The following CAV3 variants were observed in gnomAD, a reference collection of about 807,000 sequenced individuals.
CAV3 encodes the protein caveolin 3, also known as caveolin-3.
Under a neutral mutation model 13.4 loss-of-function variants are expected in CAV3, and 10 were observed. The observed-to-expected ratio is 0.75, with a 90% CI of 0.46 to 1.27. The LOEUF is 1.27. CAV3 is among the 50% of genes most tolerant of loss of function. The probability of loss-of-function intolerance (pLI) is 0.00; values close to 1 mark genes in which losing one functional copy is unlikely to be tolerated. For missense variants in CAV3, 162 were observed against 194.0 expected (o/e 0.83, Z 0.98); for synonymous variants, 90 against 79.0 (o/e 1.14, Z -0.74).
chr3:8,735,513 C>T (rs1334195463), intron 1 of CAV3, among the ~76,000 whole-genome samples: 2 of 152,150 alleles, frequency 1.3e-5, no homozygotes, highest in African/African-American at 2.4e-5. Flanking sequence ...ATAATGAAAT[C>T]GGGGTTTACA....
Position 8,745,717 on chromosome 3 carries a change from G to T in CAV3, c.306G>T (p.Ala102=). 6.2e-7 allele frequency: 1 copy of T among 1,614,184 alleles called. No individual in the cohort carries two copies. The highest frequency in any genetic ancestry group is 8.5e-7 in the Non-Finnish European group (1 of 1,180,040). The change falls in exon 2 of 2, where the codon GCG becomes GCT. Residue 102 remains alanine, a synonymous_variant. Transcript: ENST00000343849. The surrounding 1 kb of genome is among the most constrained non-coding windows in gnomAD (Gnocchi z 4.8). The stretch of plus-strand genomic sequence containing the variant: ...GCATCTCCTTCTGCCACATCTGGGC[G>T]GTGGTGCCATGCATTAAGAGCTACC... The part of the protein sequence containing the change: ...FACISFCHIW[A]VVPCIKSYLI...
At chr3:8,739,876 C>T (rs1276266801) in intron 1 of CAV3, among the ~76,000 whole-genome samples, 2 of 152,128 alleles carry the variant, frequency 1.3e-5, no homozygotes, top group Non-Finnish European at 2.9e-5. Context: ...CCACTGGGGG[C>T]CTCTCATGCA....
rs72546667 is a variant in CAV3 at position 8,745,577 on chromosome 3, G to A, written c.166G>A (p.Gly56Ser). 6.4e-3 allele frequency: 10,393 copies of A among 1,614,038 alleles called. 549 individuals are homozygous for A. In the African/African-American group the frequency reaches 0.12, roughly 18 times the overall value. Reference sequence around the variant, plus strand: ...GCCTGTGGGCACCTACAGCTTTGACGGCGTGTGGAAGGTGAGCTACACCAC... The same window carrying A: ...GCCTGTGGGCACCTACAGCTTTGACAGCGTGTGGAAGGTGAGCTACACCAC... Reference protein sequence around the residue: ...AEPVGTYSFDGVWKVSYTTFT... With the variant: ...AEPVGTYSFDSVWKVSYTTFT... The change falls in exon 2 of 2, where the codon GGC becomes AGC. Residue 56 changes from glycine to serine, a missense_variant. Gly to Ser is a moderately conservative substitution (Grantham distance 56). Transcript: ENST00000343849. This position sits in a 1 kb window ranked among gnomAD's most constrained non-coding sequence, Gnocchi z 4.8.
At chr3:8,744,452 T>G (rs1708081617) in intron 1 of CAV3, among the ~76,000 whole-genome samples, 1 of 145,520 alleles carries the variant, frequency 6.9e-6, no homozygotes, top group Admixed American at 6.8e-5. Context: ...CTAATTTTTT[T>G]TTTTTTTTTT....
At chr3:8,734,440 G>A (rs1056083672) in intron 1 of CAV3, among the ~76,000 whole-genome samples, 5 of 152,160 alleles carry the variant, frequency 3.3e-5, no homozygotes, top group South Asian at 2.1e-4. Context: ...GCAGCCCCTC[G>A]AGGTACACTC....
chr3:8,744,138 A>G (rs991445861), intron 1 of CAV3, among the ~76,000 whole-genome samples: 21 of 152,140 alleles, frequency 1.4e-4, no homozygotes, highest in African/African-American at 5.1e-4. Flanking sequence ...GCTAGAAAGA[A>G]AACATCTCAG....
intron 1 of CAV3, among the ~76,000 whole-genome samples, chr3:8,737,569 G>A (rs1707800645): frequency 6.6e-6 from 1 of 152,152 alleles, no homozygotes; most frequent in Admixed American, 6.5e-5. Flanking sequence ...CAAGGCTCGG[G>A]ACTGGGCCCA....
intron 1 of CAV3, among the ~76,000 whole-genome samples, chr3:8,736,885 A>C (rs933527489): frequency 6.6e-6 from 1 of 152,232 alleles, no homozygotes; most frequent in African/African-American, 2.4e-5. Flanking sequence ...GTGAGTGAGA[A>C]ATGAAAAAAG....
At chr3:8,740,724 G>A (rs1343038801) in intron 1 of CAV3, among the ~76,000 whole-genome samples, 3 of 152,170 alleles carry the variant, frequency 2.0e-5, no homozygotes, top group Non-Finnish European at 2.9e-5. Context: ...GTAGATATAT[G>A]GTCCTACCTA....
At chr3:8,744,651 A>G (rs185608565) in intron 1 of CAV3, among the ~76,000 whole-genome samples, 8 of 152,224 alleles carry the variant, frequency 5.3e-5, no homozygotes, top group African/African-American at 1.9e-4. Context: ...TGCTTCATGC[A>G]TAGCAGGGCT....
rs115066243 is a variant in CAV3 at position 8,736,066 on chromosome 3, C to T, written c.114+2076C>T. Among the ~76,000 whole-genome samples, 692 of 152,318 alleles carry T rather than the reference C, an allele frequency of 4.5e-3. 7 individuals are homozygous for T. Among genetic ancestry groups the T allele is most frequent in the Non-Finnish European group, 7.3e-3 (499 of 68,030 alleles). On this transcript the variant is annotated intron_variant, in intron 1 of 1. Coordinates refer to ENST00000343849, the MANE Select transcript of CAV3 (RefSeq NM_033337.3). ...AACAAATTTCACAAACTGTAAAGCA[C>T]TATATACATGTAAATAAAATTGTAC...
Position 8,745,983 on chromosome 3 carries a change from C to T in CAV3, c.*116C>T. On this transcript the variant is annotated 3_prime_UTR_variant, in exon 2 of 2. Transcript: ENST00000343849. This position sits in a 1 kb window ranked among gnomAD's most constrained non-coding sequence, Gnocchi z 4.8. ...CTTTCTCTTTAGGGACTGCTCCATA[C>T]CCCATGATGGAGCACACGGTGTAGG... The T allele has an allele frequency of 1.3e-6, 1 of 772,082 alleles. No homozygotes were observed. Among genetic ancestry groups the T allele is most frequent in the Non-Finnish European group, 2.1e-6 (1 of 481,734 alleles). 47.8% of individuals were successfully genotyped at this position (772,082 alleles called of 1,614,324 possible).
chr3:8,736,420 G>T (rs929319920), intron 1 of CAV3, among the ~76,000 whole-genome samples: 3 of 152,202 alleles, frequency 2.0e-5, no homozygotes, highest in African/African-American at 7.2e-5. Context: ...GTCAAAGAAG[G>T]GTCTCAAAGA....
At chr3:8,742,952 G>C (rs1256850374) in intron 1 of CAV3, among the ~76,000 whole-genome samples, 1 of 152,186 alleles carries the variant, frequency 6.6e-6, no homozygotes, top group Non-Finnish European at 1.5e-5. Flanking sequence ...CATGGTGCAG[G>C]CATCTGCAGC....
chr3:8,740,720 A>G (rs237875), intron 1 of CAV3, among the ~76,000 whole-genome samples: 78,257 of 151,988 alleles, frequency 0.51, 20,062 homozygotes, highest in Admixed American at 0.54. Context: ...GGGGGTAGAT[A>G]TATGGTCCTA....
chr3:8,740,534 G>A (rs989639996), intron 1 of CAV3, among the ~76,000 whole-genome samples: 1 of 152,198 alleles, frequency 6.6e-6, no homozygotes, highest in African/African-American at 2.4e-5. Context: ...GGATTGCTGA[G>A]GAGCTTCTTC....
chr3:8,735,207 T>C (rs554219230), intron 1 of CAV3, among the ~76,000 whole-genome samples: 2 of 152,362 alleles, frequency 1.3e-5, no homozygotes, highest in Admixed American at 6.5e-5. Flanking sequence ...AGCAGCCACA[T>C]TTTAAAATGC....
Position 8,737,438 on chromosome 3 carries a change from C to T in CAV3, c.114+3448C>T, listed in dbSNP as rs115657208. ...TGAAGAGTAGGAGATAGGCATACTA[C>T]ATCCATGGATTTGACCCCCAGTAGA... On this transcript the variant is annotated intron_variant, in intron 1 of 1. Transcript: ENST00000343849. Among the ~76,000 whole-genome samples the T allele has an allele frequency of 3.1e-3, 473 of 152,300 alleles. 3 individuals are homozygous for T. Among genetic ancestry groups the T allele is most frequent in the African/African-American group, 0.011 (439 of 41,556 alleles).
In CAV3 at chr3:8,745,929, G is replaced by A. The variant is rs1375280029; in HGVS notation, c.*62G>A. On this transcript the variant is annotated 3_prime_UTR_variant, in exon 2 of 2. Coordinates refer to ENST00000343849, the MANE Select transcript of CAV3 (RefSeq NM_033337.3). This position sits in a 1 kb window ranked among gnomAD's most constrained non-coding sequence, Gnocchi z 4.8. The stretch of plus-strand genomic sequence containing the variant: ...TGGTGGGCCAGACTGGTCCCCGGGG[G>A]ACTTCTTCACAGGGGCTGCTGGCGA... 1.4e-6 allele frequency: 2 copies of A among 1,394,340 alleles called. No homozygotes were observed. Among genetic ancestry groups the A allele is most frequent in the African/African-American group, 1.4e-5 (1 of 70,864 alleles). 86.4% of individuals were successfully genotyped at this position (1,394,340 alleles called of 1,614,324 possible). A position where few individuals can be genotyped will look rare whatever the true frequency, so the allele number is the denominator to read the frequency against.
Sources: gnomAD v4.1 joint callset for allele counts (sites outside exome capture counted in the v4.1 genomes callset) on GRCh38, gnomAD v4.1.1 for gene constraint, Gnocchi (gnomAD v3.1) non-coding constraint, MANE v1.5 for transcripts, NCBI Gene and HGNC (gene_info 2026-07-23, HGNC 2026-07-21) for gene names.